PRKAR2B: variants seen among roughly 807,000 people sequenced by gnomAD.
PRKAR2B encodes the protein cAMP-dependent protein kinase type II-beta regulatory subunit.
PRKAR2B carries 14 observed loss-of-function variants against 49.9 expected under a neutral mutation model. The ratio of observed to expected loss-of-function variants is 0.28; its 90% CI spans 0.19 to 0.44. The LOEUF (loss-of-function observed/expected upper bound fraction) is 0.44. PRKAR2B is among the 20% of genes least tolerant of loss of function. PRKAR2B has a pLI of 1.00. For missense variants in PRKAR2B, 393 were observed against 537.9 expected (o/e 0.73, Z 2.67); for synonymous variants, 196 against 197.7 (o/e 0.99, Z 0.07).
chr7:107,056,695 A>G (rs1329989778), intron 1 of PRKAR2B, among the ~76,000 whole-genome samples: 2 of 152,220 alleles, frequency 1.3e-5, no homozygotes, highest in Non-Finnish European at 2.9e-5. Context: ...GTTGCCTGTC[A>G]GCTTAAGGAC....
At position 107,066,749 on chromosome 7, in the gene PRKAR2B, T is replaced by G. The variant is rs980752039; in HGVS notation, c.308-3532T>G. The G allele has an allele frequency of 9.9e-5, 15 of 151,898 alleles. 1 individual carries two copies. The East Asian group carries it at 2.9e-3, about 30-fold the overall frequency. 9.4% of individuals were successfully genotyped at this position (151,898 alleles called of 1,614,324 possible). On this transcript the variant is annotated intron_variant, in intron 1 of 10. Transcript: ENST00000265717. ...ACGCCCGGCTAATTTTTTTTTTAAT[T>G]TTTAGTATAGAGATGGGGTTTCTCT...
intron 4 of PRKAR2B, 31 bp from the exon 5 acceptor site, chr7:107,140,816 A>G: frequency 6.7e-7 from 1 of 1,496,084 alleles, no homozygotes; most frequent in East Asian, 2.3e-5. Flanking sequence ...AGATAAACAT[A>G]AAGATTATAT....
At chr7:107,128,028 C>T (rs1301688474) in intron 3 of PRKAR2B, among the ~76,000 whole-genome samples, 184 bp from the exon 4 acceptor site, 4 of 152,204 alleles carry the variant, frequency 2.6e-5, no homozygotes, top group Non-Finnish European at 5.9e-5. Context: ...TTATGTTCCC[C>T]TACTTGGTAG....
rs916958196 is a variant in PRKAR2B, at chr7:107,161,670, A to T, written c.*2088A>T. On this transcript the variant is annotated 3_prime_UTR_variant, in exon 11 of 11. Transcript: ENST00000265717. Reference sequence around the variant, plus strand: ...TGGTTCTGTATGGCAATAGGTTTTTAAAATTATTAGCTATTCATCATGTGT... The same window carrying T: ...TGGTTCTGTATGGCAATAGGTTTTTTAAATTATTAGCTATTCATCATGTGT... 14 of 152,388 alleles carry T rather than the reference A, an allele frequency of 9.2e-5. No homozygotes were observed. Among genetic ancestry groups the T allele is most frequent in the African/African-American group, 3.4e-4 (14 of 41,462 alleles). 9.4% of individuals were successfully genotyped at this position (152,388 alleles called of 1,614,324 possible).
At chr7:107,156,274 AAAAG>A (rs1200379516) in intron 8 of PRKAR2B, among the ~76,000 whole-genome samples, 2 of 152,074 alleles carry the variant, frequency 1.3e-5, no homozygotes, top group Non-Finnish European at 2.9e-5. Flanking sequence ...AAATTTTAAA[AAAAG>A]GAAAAAAAAA....
intron 2 of PRKAR2B, among the ~76,000 whole-genome samples, chr7:107,119,788 C>T (rs1344536987): frequency 6.6e-6 from 1 of 152,188 alleles, no homozygotes; most frequent in Non-Finnish European, 1.5e-5. Context: ...TGGTCCCATC[C>T]TTCATTCAGG....
At chr7:107,155,149 G>A (rs1407284476) in intron 8 of PRKAR2B, among the ~76,000 whole-genome samples, 1 of 152,170 alleles carries the variant, frequency 6.6e-6, no homozygotes, top group Non-Finnish European at 1.5e-5. Flanking sequence ...CAGCAGTGTT[G>A]CCATTTCCAA....
At chr7:107,050,077 A>T (rs948400057) in intron 1 of PRKAR2B, among the ~76,000 whole-genome samples, 1 of 152,054 alleles carries the variant, frequency 6.6e-6, no homozygotes, top group African/African-American at 2.4e-5. Context: ...AAACCAAAAA[A>T]CCCCTTCTCT....
chr7:107,061,438 G>T (rs1245063651), intron 1 of PRKAR2B, among the ~76,000 whole-genome samples: 1 of 150,582 alleles, frequency 6.6e-6, no homozygotes, highest in Non-Finnish European at 1.5e-5. Flanking sequence ...TCTCCATAAG[G>T]ATTTTGCTAT....
intron 4 of PRKAR2B, among the ~76,000 whole-genome samples, chr7:107,139,807 T>C (rs1795759829): frequency 6.6e-6 from 1 of 152,260 alleles, no homozygotes; most frequent in South Asian, 2.1e-4. Flanking sequence ...TTATCCTCTT[T>C]ATTCAGAATA....
intron 2 of PRKAR2B, among the ~76,000 whole-genome samples, chr7:107,071,937 C>T (rs868650896): frequency 1.3e-5 from 2 of 151,596 alleles, no homozygotes; most frequent in African/African-American, 2.4e-5. Flanking sequence ...GGCGTGGTGG[C>T]GGGCACCTGT....
chr7:107,059,917 G>A (rs940799233), intron 1 of PRKAR2B, among the ~76,000 whole-genome samples: 6 of 151,760 alleles, frequency 4.0e-5, no homozygotes, highest in Admixed American at 6.6e-5. Context: ...TTTTCCAGAG[G>A]GTATATGATG....
chr7:107,097,807 T>C (rs1794874349), intron 2 of PRKAR2B, among the ~76,000 whole-genome samples: 1 of 152,196 alleles, frequency 6.6e-6, no homozygotes, highest in Non-Finnish European at 1.5e-5. Flanking sequence ...GGGTTGAAAA[T>C]TCTTTTCTTT....
intron 5 of PRKAR2B, among the ~76,000 whole-genome samples, chr7:107,145,100 C>T (rs2115650602): frequency 6.6e-6 from 1 of 152,230 alleles, no homozygotes; most frequent in South Asian, 2.1e-4. Context: ...AGTTAGATAT[C>T]TAGTCTGAAT....
rs140590841 is a variant in PRKAR2B, at chr7:107,073,975, T to G, written c.343+3659T>G. On this transcript the variant is annotated intron_variant, in intron 2 of 10. Transcript: ENST00000265717. ...TACTCGGGAGGCTGAGGCAGGAGAT[T>G]CACTTGAACCCTGGAGGTGGAGGTT... Among the ~76,000 whole-genome samples, 368 of 152,148 alleles carry G rather than the reference T, an allele frequency of 2.4e-3. 2 individuals carry two copies. Among genetic ancestry groups the G allele is most frequent in the African/African-American group, 8.3e-3 (346 of 41,514 alleles).
chr7:107,088,432 G>C (rs1794661114), intron 2 of PRKAR2B, among the ~76,000 whole-genome samples: 1 of 152,126 alleles, frequency 6.6e-6, no homozygotes, highest in Non-Finnish European at 1.5e-5. Flanking sequence ...AGGGAAAGGA[G>C]ATGTTGTGTG....
chr7:107,145,943 G>T (rs1795885323), intron 5 of PRKAR2B, among the ~76,000 whole-genome samples: 1 of 151,918 alleles, frequency 6.6e-6, no homozygotes, highest in Non-Finnish European at 1.5e-5. Flanking sequence ...GTTTCACCAT[G>T]TTGGCCAGGC....
At position 107,070,912 on chromosome 7, in the gene PRKAR2B, G is replaced by A. The variant is rs948916586; in HGVS notation, c.343+596G>A. ...TTTAAATATACTACAGTACCCTAATGTAGTCAGCATGATAGGCCTTAGCCA... is the reference window on the plus strand; with the variant it reads ...TTTAAATATACTACAGTACCCTAATATAGTCAGCATGATAGGCCTTAGCCA... On this transcript the variant is annotated intron_variant, in intron 2 of 10. Transcript: ENST00000265717. Among the ~76,000 whole-genome samples the A allele has an allele frequency of 5.9e-5, 9 of 152,172 alleles. No homozygotes were observed. The South Asian group carries it at 6.2e-4, about 11-fold the overall frequency.
chr7:107,076,161 C>G (rs555549753), intron 2 of PRKAR2B, among the ~76,000 whole-genome samples: 1 of 152,244 alleles, frequency 6.6e-6, no homozygotes, highest in African/African-American at 2.4e-5. Context: ...CAGACACACA[C>G]TCTTTTTTAT....
Sources: gnomAD v4.1 joint callset for allele counts (sites outside exome capture counted in the v4.1 genomes callset) on GRCh38, gnomAD v4.1.1 for gene constraint, MANE v1.5 for transcripts, NCBI Gene and HGNC (gene_info 2026-07-23, HGNC 2026-07-21) for gene names.